The following TLK1 variants were observed in gnomAD, a reference collection of about 807,000 sequenced individuals.
TLK1 encodes the protein serine/threonine-protein kinase tousled-like 1.
Under a neutral mutation model 105.3 loss-of-function variants are expected in TLK1, and 24 were observed. That is an observed-to-expected ratio of 0.23 (90% CI 0.17 to 0.32). The LOEUF is 0.32. Ranked by LOEUF, TLK1 falls within the 10% of genes least tolerant of loss-of-function variation. The probability of loss-of-function intolerance (pLI) is 1.00; values close to 1 mark genes in which losing one functional copy is unlikely to be tolerated. For synonymous variants in TLK1, 321 were observed against 310.4 expected, an observed-to-expected ratio of 1.03 and a Z score of -0.36; for missense variants, 558 against 910.5, an observed-to-expected ratio of 0.61 and a Z score of 4.98.
upstream of TLK1, among the ~76,000 whole-genome samples, chr2:171,162,781 G>C (rs114734681): frequency 4.2e-4 from 64 of 152,262 alleles, 1 homozygote; most frequent in Non-Finnish European, 8.2e-4. Context: ...TTGTACTCTT[G>C]TCTGGCTTTG....
intron 5 of TLK1, among the ~76,000 whole-genome samples, chr2:171,057,450 C>A (rs973308211): frequency 6.6e-6 from 1 of 151,936 alleles, no homozygotes; most frequent in African/African-American, 2.4e-5. Flanking sequence ...GTACCTTTGG[C>A]AAAGGTTCTT....
chr2:171,123,057 TACACACACACACAC>T lies in TLK1; in HGVS notation c.140-5214_140-5201del, dbSNP rs71008752. ...CTATATGAAAAAATAAATAAATAAATACACACACACACACACACACACACACACACTTCTTTTTT... is the reference window on the plus strand; with the variant it reads ...CTATATGAAAAAATAAATAAATAAATACACACACACACACACTTCTTTTTT... On this transcript the variant is annotated intron_variant, in intron 1 of 20. Coordinates refer to ENST00000431350, the MANE Select transcript of TLK1 (RefSeq NM_012290.5). Among the ~76,000 whole-genome samples the T allele has an allele frequency of 2.8e-5, 4 of 141,218 alleles. No individual in the cohort carries two copies. The East Asian group carries it at 6.3e-4, about 22-fold the overall frequency. The allele number at this position is 141,218 out of a possible 152,430, so 92.6% of individuals were successfully genotyped here. A position where few individuals can be genotyped will look rare whatever the true frequency, so the allele number is the denominator to read the frequency against.
chr2:171,107,691 C>T (rs770114019), intron 2 of TLK1, among the ~76,000 whole-genome samples: 6 of 152,096 alleles, frequency 3.9e-5, no homozygotes, highest in Admixed American at 2.6e-4. Flanking sequence ...AGTGACCATG[C>T]GAAGGAGTTT....
intron 2 of TLK1, among the ~76,000 whole-genome samples, chr2:171,106,548 C>T (rs1689933824): frequency 6.6e-6 from 1 of 152,178 alleles, no homozygotes; most frequent in Admixed American, 6.5e-5. Flanking sequence ...TGCTTACTTC[C>T]TTGCTGCTGG....
In TLK1 at chr2:171,061,143, T is replaced by G; in HGVS notation, c.344A>C (p.Lys115Thr). The G allele has an allele frequency of 6.2e-7, 1 of 1,613,622 alleles. No individual in the cohort carries two copies. The highest frequency in any genetic ancestry group is 8.5e-7 in the Non-Finnish European group (1 of 1,179,750). Residue 115 changes from lysine to threonine, a missense_variant, in exon 4 of 21, where the codon AAA becomes ACA. Coordinates refer to ENST00000431350, the MANE Select transcript of TLK1 (RefSeq NM_012290.5). ...SDKESETPEK[K>T]QSESSRGRKR... Reference sequence around the variant, plus strand: ...TCTTCCCCTGGATGATTCCGATTGTTTCTTCTCCGGTGTCTACAGAAAACA... The same window carrying G: ...TCTTCCCCTGGATGATTCCGATTGTGTCTTCTCCGGTGTCTACAGAAAACA...
At chr2:171,013,564 C>G (rs1188198449) in intron 13 of TLK1, among the ~76,000 whole-genome samples, 1 of 151,926 alleles carries the variant, frequency 6.6e-6, no homozygotes, top group Non-Finnish European at 1.5e-5. Flanking sequence ...CACTGGCCTC[C>G]CAAAGTGCAA....
intron 18 of TLK1, among the ~76,000 whole-genome samples, chr2:171,004,376 G>A (rs768373283): frequency 6.7e-6 from 1 of 150,308 alleles, no homozygotes; most frequent in Non-Finnish European, 1.5e-5. Context: ...CCACATAAAA[G>A]TGGACCCATG....
At chr2:171,171,918 G>A (rs1692736683) in intron 1 of TLK1, among the ~76,000 whole-genome samples, 1 of 152,092 alleles carries the variant, frequency 6.6e-6, no homozygotes, top group Non-Finnish European at 1.5e-5. Flanking sequence ...TCATTCCTAG[G>A]TATATACCCA....
At chr2:171,039,808 T>C (rs575123244) in intron 11 of TLK1, among the ~76,000 whole-genome samples, 1 of 152,284 alleles carries the variant, frequency 6.6e-6, no homozygotes, top group Admixed American at 6.5e-5. Flanking sequence ...CCAGTAAAGA[T>C]ATCCAAAGAG....
rs1286445688 is a variant in TLK1, at chr2:170,991,556, G to C, written c.*2224C>G. 1 of 152,166 alleles carries C rather than the reference G, an allele frequency of 6.6e-6. No homozygotes were observed. Among genetic ancestry groups the C allele is most frequent in the Non-Finnish European group, 1.5e-5 (1 of 68,022 alleles). 9.4% of individuals were successfully genotyped at this position (152,166 alleles called of 1,614,324 possible). ...ATTTTAAAATGATGACCTAAACCCAGGTCAGGAAAGCAACTTCATTTCATG... is the reference window on the plus strand; with the variant it reads ...ATTTTAAAATGATGACCTAAACCCACGTCAGGAAAGCAACTTCATTTCATG... On this transcript the variant is annotated 3_prime_UTR_variant, in exon 21 of 21. Coordinates refer to ENST00000431350, the MANE Select transcript of TLK1 (RefSeq NM_012290.5).
intron 1 of TLK1, among the ~76,000 whole-genome samples, chr2:171,195,279 G>A (rs576795219): frequency 2.7e-4 from 41 of 151,770 alleles, no homozygotes; most frequent in Admixed American, 2.6e-3. Context: ...GGAGGCGGGC[G>A]GATCACGAGG....
chr2:171,000,994 T>A (rs139884835), intron 18 of TLK1, among the ~76,000 whole-genome samples: 1 of 152,232 alleles, frequency 6.6e-6, no homozygotes, highest in East Asian at 1.9e-4. Flanking sequence ...AAGATCCATA[T>A]CTTGAAACCC....
intron 12 of TLK1, among the ~76,000 whole-genome samples, chr2:171,021,179 T>A (rs1242170628): frequency 1.3e-5 from 2 of 152,170 alleles, no homozygotes; most frequent in African/African-American, 2.4e-5. Flanking sequence ...TCCTCTACTT[T>A]ATTATAACAA....
intron 1 of TLK1, among the ~76,000 whole-genome samples, chr2:171,126,347 CCT>C (rs1242544571): frequency 1.3e-5 from 2 of 152,026 alleles, no homozygotes; most frequent in Non-Finnish European, 2.9e-5. Flanking sequence ...TCTCTCTCTC[CCT>C]GTCTTTAAAC....
chr2:170,999,230 T>TA (rs201607427), intron 18 of TLK1, among the ~76,000 whole-genome samples: 36 of 152,188 alleles, frequency 2.4e-4, no homozygotes, highest in Non-Finnish European at 4.4e-4. Context: ...ACTATTTTTT[T>TA]TAAAAAATGC....
chr2:171,067,284 C>G (rs777920112), intron 3 of TLK1, among the ~76,000 whole-genome samples: 1 of 151,364 alleles, frequency 6.6e-6, no homozygotes, highest in Non-Finnish European at 1.5e-5. Context: ...CTCAGCCTCC[C>G]GAGTAGCTGG....
rs1352679715 is a variant in TLK1 at position 171,050,155 on chromosome 2, C to T, written c.752G>A (p.Arg251Gln). 13 of 1,595,550 alleles carry T rather than the reference C, an allele frequency of 8.1e-6. No individual in the cohort carries two copies. The highest frequency in any genetic ancestry group is 2.7e-5 in the African/African-American group (2 of 74,194). The change falls in exon 9 of 21, where the codon CGG becomes CAG. Residue 251 changes from arginine to glutamine, a missense_variant. Arg to Gln is a conservative substitution (Grantham distance 43). This residue lies in a region of TLK1 where 196 missense variants were observed against 239.3 expected (regional missense o/e 0.82). Transcript: ENST00000431350. ...TAATTTTTGTTGTTCATCTATTTGC[C>T]GTCTGAGATCACAGTTAGCCTATGA... ...DLLRANCDLRRQIDEQQKLLE... is the reference protein window; with the variant it reads ...DLLRANCDLRQQIDEQQKLLE...
At chr2:171,096,640 C>A (rs1171809668) in intron 2 of TLK1, among the ~76,000 whole-genome samples, 1 of 151,850 alleles carries the variant, frequency 6.6e-6, no homozygotes, top group African/African-American at 2.4e-5. Context: ...CGCCTATAGT[C>A]CCAGCTACTC....
At chr2:171,037,481 C>T (rs557640404) in intron 11 of TLK1, among the ~76,000 whole-genome samples, 1 of 149,466 alleles carries the variant, frequency 6.7e-6, no homozygotes, top group South Asian at 2.1e-4. Context: ...CCCAAGAGTA[C>T]AGCATGGAGA....
Sources: gnomAD v4.1 joint callset for allele counts (sites outside exome capture counted in the v4.1 genomes callset) on GRCh38, gnomAD v4.1.1 for gene constraint, gnomAD v4.1.1 regional missense constraint, MANE v1.5 for transcripts, NCBI Gene and HGNC (gene_info 2026-07-23, HGNC 2026-07-21) for gene names.